PIAS4: variants seen among roughly 807,000 people sequenced by gnomAD.
PIAS4 encodes protein inhibitor of activated STAT 4, also known as E3 SUMO-protein ligase PIAS4.
In PIAS4, 7 loss-of-function variants were observed where a neutral mutation model predicts 58.0. The ratio of observed to expected loss-of-function variants is 0.12; its 90% confidence interval spans 0.07 to 0.23. PIAS4 has a LOEUF of 0.23. Among genes scored for constraint, PIAS4 ranks in the 10% least tolerant of loss-of-function variants. The pLI is 1.00. For synonymous variants in PIAS4, 364 were observed against 312.4 expected, an observed-to-expected ratio of 1.17 and a Z score of -1.74; for missense variants, 550 against 709.5, an observed-to-expected ratio of 0.78 and a Z score of 2.55.
chr19:4,020,055 C>G (rs1336124041), intron 2 of PIAS4, among the ~76,000 whole-genome samples: 6 of 151,964 alleles, frequency 3.9e-5, no homozygotes, highest in African/African-American at 4.8e-5. Context: ...TAGCTGGGAC[C>G]ACAGGCGCCT....
rs2040240750 is a variant in PIAS4, at chr19:4,033,279, G to A, written c.981+106G>A. On this transcript the variant is annotated intron_variant, in intron 8 of 10. Transcript: ENST00000262971. ...TTGGCTGGGCCGTGAGCCTGCGGGG[G>A]CGAGGCTGGTCTTCGTCCCCTCCGT... is the stretch of plus-strand genomic sequence containing the variant. 21 of 1,362,116 alleles carry A rather than the reference G, an allele frequency of 1.5e-5. No individual in the cohort carries two copies. The South Asian group carries it at 2.0e-4, about 13-fold the overall frequency. 84.4% of individuals were successfully genotyped at this position (1,362,116 alleles called of 1,614,324 possible).
chr19:4,037,939 C>A lies in PIAS4; in HGVS notation c.*64C>A, dbSNP rs975981155. 5 of 1,483,704 alleles carry A rather than the reference C, an allele frequency of 3.4e-6. No homozygotes were observed. In the African/African-American group the frequency reaches 7.1e-5, roughly 21 times the overall value. The allele number at this position is 1,483,704 out of a possible 1,614,324, so 91.9% of individuals were successfully genotyped here. ...CAGAGGGGCACGGGCCAGCCTCGGG[C>A]GCAGAGGGAGGAGTGACCTTTCTTT... On this transcript the variant is annotated 3_prime_UTR_variant, in exon 11 of 11. Coordinates refer to ENST00000262971, the MANE Select transcript of PIAS4 (RefSeq NM_015897.4). The surrounding 1 kb of genome is among the most constrained non-coding windows in gnomAD (Gnocchi z 5.8).
chr19:4,023,928 TC>T, intron 2 of PIAS4, 107 bp from the exon 3 acceptor site: 1 of 786,956 alleles, frequency 1.3e-6, no homozygotes, highest in Admixed American at 1.8e-5. Context: ...CCAGCCAACT[TC>T]CCATTTCCTG....
At chr19:4,029,539 T>TTTTTTC (rs1231983599) in intron 7 of PIAS4, among the ~76,000 whole-genome samples, 1 of 151,826 alleles carries the variant, frequency 6.6e-6, no homozygotes, top group Non-Finnish European at 1.5e-5. Flanking sequence ...CCGTTTAATC[T>TTTTTTC]TTTTTCTTTT....
chr19:4,037,292 G>A lies in PIAS4; in HGVS notation c.1143-82G>A, dbSNP rs1401269140. On this transcript the variant is annotated intron_variant, in intron 9 of 10. Transcript: ENST00000262971. This position sits in a 1 kb window ranked among gnomAD's most constrained non-coding sequence, Gnocchi z 5.8. The stretch of plus-strand genomic sequence containing the variant: ...AGAGAGAAGTGGGGAGTGCCTGGCT[G>A]CATCCGGGAGGGATGGAGGGCTGGG... The A allele has an allele frequency of 1.8e-5, 27 of 1,485,166 alleles. No homozygotes were observed. The East Asian group carries it at 3.1e-4, about 17-fold the overall frequency. 92.0% of individuals were successfully genotyped at this position (1,485,166 alleles called of 1,614,324 possible).
intron 9 of PIAS4, among the ~76,000 whole-genome samples, chr19:4,034,646 C>G (rs1216217388): frequency 6.6e-6 from 1 of 152,262 alleles, no homozygotes; most frequent in African/African-American, 2.4e-5. Flanking sequence ...CCCAGCCTGA[C>G]AGCTGTGCAG....
chr19:4,037,449 G>C lies in PIAS4; in HGVS notation c.1218G>C (p.Pro406=). ...ACCTGGTGGACGGCTCGTGGTGCCC[G>C]ATCCGCGCCGAAAAGGAGCGCAGCT... is the stretch of plus-strand genomic sequence containing the variant. ...IEYLVDGSWC[P]IRAEKERSCS... Residue 406 remains proline, a synonymous_variant, in exon 10 of 11, where the codon CCG becomes CCC. Coordinates refer to ENST00000262971, the MANE Select transcript of PIAS4 (RefSeq NM_015897.4). This position sits in a 1 kb window ranked among gnomAD's most constrained non-coding sequence, Gnocchi z 5.8. The C allele has an allele frequency of 6.2e-7, 1 of 1,611,614 alleles. No homozygotes were observed. Among genetic ancestry groups the C allele is most frequent in the Non-Finnish European group, 8.5e-7 (1 of 1,179,484 alleles).
chr19:4,018,143 C>T (rs1351952497), intron 2 of PIAS4, among the ~76,000 whole-genome samples: 1 of 152,250 alleles, frequency 6.6e-6, no homozygotes, highest in Non-Finnish European at 1.5e-5. Context: ...CCCTGTGTTT[C>T]ATTTCTATTT....
At chr19:4,014,639 G>A (rs2040033241) in intron 2 of PIAS4, among the ~76,000 whole-genome samples, 1 of 152,324 alleles carries the variant, frequency 6.6e-6, no homozygotes, top group East Asian at 1.9e-4. Flanking sequence ...GCGTGGGCAC[G>A]CAGCAGGGAA....
At position 4,038,621 on chromosome 19, in the gene PIAS4, G is replaced by C. The variant is rs1042637339; in HGVS notation, c.*746G>C. 6.6e-6 allele frequency: 1 copy of C among 152,658 alleles called. No homozygotes were observed. The highest frequency in any genetic ancestry group is 1.9e-4 in the South Asian group (1 of 5,202). The allele number at this position is 152,658 out of a possible 1,614,324, so 9.5% of individuals were successfully genotyped here. On this transcript the variant is annotated 3_prime_UTR_variant, in exon 11 of 11. Transcript: ENST00000262971. The surrounding 1 kb of genome is among the most constrained non-coding windows in gnomAD (Gnocchi z 4.1). ...GGCCCAGGGTGCGGCACCGTGTGGC[G>C]TGGGGGGGTCTCAGTTTTCTAGCCA...
chr19:4,016,692 C>T (rs1452948386), intron 2 of PIAS4, among the ~76,000 whole-genome samples: 2 of 152,136 alleles, frequency 1.3e-5, no homozygotes, highest in African/African-American at 2.4e-5. Context: ...GGGTGACTCT[C>T]AAGAAGCCAG....
intron 1 of PIAS4, among the ~76,000 whole-genome samples, chr19:4,009,137 C>G (rs2039969778): frequency 6.6e-6 from 1 of 152,014 alleles, no homozygotes; most frequent in African/African-American, 2.4e-5. Flanking sequence ...GGGGACCTCT[C>G]CCTCCCCCAT....
intron 1 of PIAS4, among the ~76,000 whole-genome samples, chr19:4,010,816 G>A (rs949287715): frequency 3.9e-5 from 6 of 152,208 alleles, no homozygotes; most frequent in Non-Finnish European, 8.8e-5. Context: ...CTGGCATCCC[G>A]ATTCTTTACA....
Position 4,037,597 on chromosome 19 carries a change from C to T in PIAS4, c.1274-19C>T, listed in dbSNP as rs766917415. 18 of 1,608,462 alleles carry T rather than the reference C, an allele frequency of 1.1e-5. No homozygotes were observed. Among genetic ancestry groups the T allele is most frequent in the Non-Finnish European group, 1.4e-5 (17 of 1,179,792 alleles). ...TGGTTGCATCCTAAGTACCTGCACC[C>T]TGTCCCTGTTGCCCGTAGGCCCCTC... On this transcript the variant is annotated intron_variant, in intron 10 of 10. Transcript: ENST00000262971. This position sits in a 1 kb window ranked among gnomAD's most constrained non-coding sequence, Gnocchi z 5.8.
intron 2 of PIAS4, among the ~76,000 whole-genome samples, chr19:4,014,811 G>T (rs992868811): frequency 1.3e-5 from 2 of 152,242 alleles, no homozygotes; most frequent in Non-Finnish European, 2.9e-5. Flanking sequence ...GGGAGGCAGC[G>T]TTGATGGGGG....
chr19:4,008,901 C>G (rs1464888560), intron 1 of PIAS4, among the ~76,000 whole-genome samples: 1 of 152,068 alleles, frequency 6.6e-6, no homozygotes, highest in Non-Finnish European at 1.5e-5. Flanking sequence ...CCAAGGCTGG[C>G]CTCTTTAGAA....
At chr19:4,029,625 A>T (rs1031923940) in intron 7 of PIAS4, among the ~76,000 whole-genome samples, 37 of 148,702 alleles carry the variant, frequency 2.5e-4, no homozygotes, top group Non-Finnish European at 4.2e-4. Flanking sequence ...GCATCGCTGC[A>T]CTCCAGCCTG....
At chr19:4,026,782 A>C (rs1333802976) in intron 3 of PIAS4, among the ~76,000 whole-genome samples, 5 of 152,062 alleles carry the variant, frequency 3.3e-5, no homozygotes, top group Non-Finnish European at 5.9e-5. Context: ...TCCCAGGTTC[A>C]AGTGATTCTC....
At chr19:4,033,250 CGGCTT>C (rs1568220467) in intron 8 of PIAS4, 77 bp downstream of exon 8, 5 of 1,467,374 alleles carry the variant, frequency 3.4e-6, no homozygotes, top group Non-Finnish European at 4.7e-6. Context: ...GGGCCCGGGG[CGGCTT>C]GGCTGGGCCG....
Sources: allele counts gnomAD v4.1 joint callset (sites outside exome capture counted in the v4.1 genomes callset), GRCh38; gene constraint gnomAD v4.1.1; non-coding constraint Gnocchi (gnomAD v3.1); transcripts MANE v1.5; gene names NCBI Gene and HGNC (gene_info 2026-07-23, HGNC 2026-07-21).